Variants in GTF2A1 observed in about 807,000 individuals in gnomAD.
GTF2A1 encodes general transcription factor IIA subunit 1.
Under a neutral mutation model 54.1 loss-of-function variants are expected in GTF2A1, and 12 were observed. The observed-to-expected ratio is 0.22, with a 90% confidence interval of 0.14 to 0.36. The LOEUF (loss-of-function observed/expected upper bound fraction) is 0.36. Ranked by LOEUF, GTF2A1 falls within the 10% of genes least tolerant of loss-of-function variation. The probability of loss-of-function intolerance (pLI) is 1.00; values close to 1 mark genes in which losing one functional copy is unlikely to be tolerated. For synonymous variants in GTF2A1, 145 were observed against 152.0 expected (o/e 0.95, Z 0.34); for missense variants, 335 against 442.2 (o/e 0.76, Z 2.17).
intron 7 of GTF2A1, among the ~76,000 whole-genome samples, chr14:81,190,167 A>C (rs888429707): frequency 6.6e-6 from 1 of 152,146 alleles, no homozygotes; most frequent in Non-Finnish European, 1.5e-5. Context: ...AAACGGTCTC[A>C]AACAGAAACA....
intron 5 of GTF2A1, 48 bp from the exon 6 acceptor site, chr14:81,196,289 T>A (rs1489139422): frequency 6.3e-7 from 1 of 1,595,874 alleles, no homozygotes; most frequent in Non-Finnish European, 8.6e-7. Context: ...GCAGTGACCA[T>A]CTCAAAAGAA....
intron 7 of GTF2A1, among the ~76,000 whole-genome samples, chr14:81,189,516 A>G: frequency 6.6e-6 from 1 of 152,066 alleles, no homozygotes; most frequent in East Asian, 1.9e-4. Context: ...CTAAAAATAC[A>G]AAAAATTAGC....
rs1459685339 is a variant in GTF2A1 at position 81,216,532 on chromosome 14, A to G, written c.31-18T>C. 11 of 1,136,426 alleles carry G rather than the reference A, an allele frequency of 9.7e-6. No homozygotes were observed. Among genetic ancestry groups the G allele is most frequent in the Non-Finnish European group, 1.3e-5 (10 of 763,290 alleles). The allele number at this position is 1,136,426 out of a possible 1,614,324, so 70.4% of individuals were successfully genotyped here. A position where few individuals can be genotyped will look rare whatever the true frequency, so the allele number is the denominator to read the frequency against. ...AATTTAGGCTTTAAAGGAAAAATAA[A>G]AGACTTGAAAAAGACAGTTTTTCAC... On this transcript the variant is annotated intron_variant, in intron 1 of 8. Coordinates refer to ENST00000553612, the MANE Select transcript of GTF2A1 (RefSeq NM_015859.4).
At chr14:81,197,786 T>C (rs1893022298) in intron 4 of GTF2A1, among the ~76,000 whole-genome samples, 2 of 152,158 alleles carry the variant, frequency 1.3e-5, no homozygotes, top group Non-Finnish European at 2.9e-5. Context: ...ATCAATCTTC[T>C]TTAAGGTACC....
At position 81,176,973 on chromosome 14, in the gene GTF2A1, T is replaced by C. The variant is rs2083789174; in HGVS notation, c.*3250A>G. 6.6e-6 allele frequency: 1 copy of C among 152,086 alleles called. No homozygotes were observed. The highest frequency in any genetic ancestry group is 2.4e-5 in the African/African-American group (1 of 41,438). 9.4% of individuals were successfully genotyped at this position (152,086 alleles called of 1,614,324 possible). On this transcript the variant is annotated 3_prime_UTR_variant, in exon 9 of 9. Transcript: ENST00000553612. The stretch of plus-strand genomic sequence containing the variant: ...AGGGGTATTTACCCTCTGATAAGAA[T>C]GGTGACATTATTGCTATGAGAATCA...
rs1446374190 is a variant in GTF2A1, at chr14:81,178,276, T to C, written c.*1947A>G. On this transcript the variant is annotated 3_prime_UTR_variant, in exon 9 of 9. Transcript: ENST00000553612. ...AGGTAGTTCAGGTCACTGACTTCCT[T>C]ACTGAGTAAATACAAACCTACTAGC... is the stretch of plus-strand genomic sequence containing the variant. The C allele has an allele frequency of 6.6e-6, 1 of 152,130 alleles. No homozygotes were observed. The highest frequency in any genetic ancestry group is 2.4e-5 in the African/African-American group (1 of 41,446). 9.4% of individuals were successfully genotyped at this position (152,130 alleles called of 1,614,324 possible).
intron 2 of GTF2A1, among the ~76,000 whole-genome samples, chr14:81,212,257 T>G (rs1028087391): frequency 5.9e-5 from 9 of 151,828 alleles, no homozygotes; most frequent in African/African-American, 2.2e-4. Context: ...TGGACATAGG[T>G]AGGTTGGAAA....
At chr14:81,196,265 G>C in intron 5 of GTF2A1, 24 bp from the exon 6 acceptor site, 1 of 1,613,176 alleles carries the variant, frequency 6.2e-7, no homozygotes, top group Non-Finnish European at 8.5e-7. Context: ...CATGCATTCC[G>C]AGTTATCATT....
intron 2 of GTF2A1, among the ~76,000 whole-genome samples, chr14:81,206,691 C>G (rs900734958): frequency 6.6e-6 from 1 of 152,068 alleles, no homozygotes; most frequent in Non-Finnish European, 1.5e-5. Context: ...AAATCTAGAC[C>G]GATGTTTTTC....
intron 2 of GTF2A1, among the ~76,000 whole-genome samples, chr14:81,207,115 ATATC>A (rs1236531520): frequency 1.3e-4 from 19 of 149,158 alleles, no homozygotes; most frequent in African/African-American, 2.7e-4. Context: ...AGTAATTAAT[ATATC>A]TATCTATCTA....
intron 2 of GTF2A1, among the ~76,000 whole-genome samples, chr14:81,210,219 A>T (rs1203397452): frequency 6.6e-6 from 1 of 152,234 alleles, no homozygotes; most frequent in Non-Finnish European, 1.5e-5. Context: ...TAGGTAATGT[A>T]AGACATACAA....
At chr14:81,191,665 T>C (rs892730102) in intron 7 of GTF2A1, among the ~76,000 whole-genome samples, 1 of 152,148 alleles carries the variant, frequency 6.6e-6, no homozygotes, top group Non-Finnish European at 1.5e-5. Context: ...CACAAATGTA[T>C]GAGCAAAGGT....
intron 8 of GTF2A1, among the ~76,000 whole-genome samples, chr14:81,182,338 A>T (rs1215823705): frequency 2.6e-5 from 4 of 152,244 alleles, no homozygotes; most frequent in African/African-American, 9.6e-5. Context: ...TCTAACGGAC[A>T]TACCAGACTT....
In GTF2A1 at chr14:81,185,546, TACA is replaced by T; in HGVS notation, c.1005_1007del (p.Val336del). The T allele has an allele frequency of 1.3e-6, 2 of 1,564,484 alleles. No individual in the cohort carries two copies. The highest frequency in any genetic ancestry group is 1.8e-6 in the Non-Finnish European group (2 of 1,135,000). ...ACATCCTTACCTTATCATATTGGCA[TACA>T]ACAACATTTTCTGTGTCAAAGAGTT... is the stretch of plus-strand genomic sequence containing the variant. On this transcript the variant is annotated inframe_deletion, in exon 8 of 9. Transcript: ENST00000553612.
chr14:81,211,908 T>A lies in GTF2A1; in HGVS notation c.132+4505A>T, dbSNP rs1261614130. On this transcript the variant is annotated intron_variant, in intron 2 of 8. Transcript: ENST00000553612. ...ATATATATATATATATATATATATA[T>A]AACTAGAGTATATTTAGAATAGTGG... is the stretch of plus-strand genomic sequence containing the variant. Among the ~76,000 whole-genome samples the A allele has an allele frequency of 6.5e-5, 9 of 138,576 alleles. 1 individual carries two copies. Among genetic ancestry groups the A allele is most frequent in the African/African-American group, 8.1e-5 (3 of 37,104 alleles). The allele number at this position is 138,576 out of a possible 152,430, so 90.9% of individuals were successfully genotyped here. A position where few individuals can be genotyped will look rare whatever the true frequency, so the allele number is the denominator to read the frequency against.
chr14:81,200,544 T>C (rs1893082222), intron 4 of GTF2A1, among the ~76,000 whole-genome samples: 2 of 151,650 alleles, frequency 1.3e-5, no homozygotes, highest in African/African-American at 2.4e-5. Flanking sequence ...GGAGGATCAC[T>C]TGAACCTAGG....
In GTF2A1 at chr14:81,201,655, G is replaced by A. The variant is rs1893113687; in HGVS notation, c.341C>T (p.Thr114Ile). 4 of 1,607,644 alleles carry A rather than the reference G, an allele frequency of 2.5e-6. No homozygotes were observed. The highest frequency in any genetic ancestry group is 2.6e-6 in the Non-Finnish European group (3 of 1,174,302). The change falls in exon 4 of 9, where the codon ACA becomes ATA. Residue 114 changes from threonine to isoleucine, a missense_variant. Physicochemically the swap from Thr to Ile is moderately conservative, Grantham distance 89. Transcript: ENST00000553612. ...ATCTGGAACAATAACTTGTGGTGCT[G>A]TGGCTACAAAAAAACAAGCGAACAT... ...QVLIPASQQA[T>I]APQVIVPDSK...
At chr14:81,194,201 G>C (rs1595214743) in intron 6 of GTF2A1, among the ~76,000 whole-genome samples, 1 of 152,354 alleles carries the variant, frequency 6.6e-6, no homozygotes, top group East Asian at 1.9e-4. Context: ...TCTCATAGGA[G>C]CAGGAACCCT....
intron 2 of GTF2A1, among the ~76,000 whole-genome samples, chr14:81,210,099 G>A (rs569962290): frequency 1.4e-5 from 2 of 140,322 alleles, no homozygotes; most frequent in East Asian, 2.1e-4. Context: ...TAATAAATGC[G>A]AAAAATCCTC....
Sources: allele counts gnomAD v4.1 joint callset (sites outside exome capture counted in the v4.1 genomes callset), GRCh38; gene constraint gnomAD v4.1.1; transcripts MANE v1.5; gene names NCBI Gene and HGNC (gene_info 2026-07-23, HGNC 2026-07-21).